OR7E24: variants seen among roughly 807,000 people sequenced by gnomAD.
OR7E24 encodes the protein olfactory receptor family 7 subfamily E member 24.
For synonymous variants in OR7E24, 130 were observed against 157.5 expected, an observed-to-expected ratio of 0.83 and a Z score of 1.31; for missense variants, 385 against 410.3, an observed-to-expected ratio of 0.94 and a Z score of 0.53.
upstream of OR7E24, among the ~76,000 whole-genome samples, chr19:9,246,466 T>TTTTGTG (rs1555720677): frequency 2.3e-5 from 3 of 130,986 alleles, no homozygotes; most frequent in African/African-American, 9.1e-5. Flanking sequence ...CTTAAAGGTA[T>TTTTGTG]TGTGTGTGTG....
At chr19:9,222,100 G>A in the OR7E24 span, among the ~76,000 whole-genome samples, 1 of 152,094 alleles carries the variant, frequency 6.6e-6, no homozygotes, top group African/African-American at 2.4e-5. Context: ...TGAGTCTTTG[G>A]CACCTTTGTT....
At chr19:9,221,070 C>G in the OR7E24 span, among the ~76,000 whole-genome samples, 9 of 151,806 alleles carry the variant, frequency 5.9e-5, no homozygotes, top group African/African-American at 2.2e-4. Context: ...GTCAGGCGAT[C>G]GAGACCATCC....
At chr19:9,217,325 C>T in the OR7E24 span, among the ~76,000 whole-genome samples, 25 of 151,946 alleles carry the variant, frequency 1.6e-4, no homozygotes, top group African/African-American at 5.8e-4. Context: ...TCAAATCATC[C>T]TAAAAAACTA....
At chr19:9,233,486 G>A in the OR7E24 span, among the ~76,000 whole-genome samples, 2 of 152,136 alleles carry the variant, frequency 1.3e-5, no homozygotes, top group Non-Finnish European at 2.9e-5. Flanking sequence ...TATTTTAATG[G>A]CTGTGTGCTT....
At chr19:9,241,816 T>C in the OR7E24 span, among the ~76,000 whole-genome samples, 10 of 152,260 alleles carry the variant, frequency 6.6e-5, no homozygotes, top group Middle Eastern at 3.4e-3. Flanking sequence ...ATCCTGGCTC[T>C]TTTTCTCCTG....
upstream of OR7E24, among the ~76,000 whole-genome samples, chr19:9,246,060 C>CTTTTT (rs58590446): frequency 7.7e-5 from 3 of 38,942 alleles, no homozygotes; most frequent in Non-Finnish European, 1.3e-4. Context: ...TATCAATGTG[C>CTTTTT]TTTTTTTTTT....
chr19:9,206,656 A>G, the OR7E24 span: 2 of 152,226 alleles, frequency 1.3e-5, no homozygotes, highest in South Asian at 4.1e-4. Context: ...TATATTGTTG[A>G]TAAGGAAAAA....
At chr19:9,218,484 A>G in the OR7E24 span, among the ~76,000 whole-genome samples, 1 of 152,220 alleles carries the variant, frequency 6.6e-6, no homozygotes, top group Non-Finnish European at 1.5e-5. Context: ...ACCAAGGACA[A>G]TTGCTTAACC....
the OR7E24 span, among the ~76,000 whole-genome samples, chr19:9,226,642 C>G: frequency 6.9e-4 from 105 of 152,178 alleles, no homozygotes; most frequent in Non-Finnish European, 1.2e-3. Context: ...TTCTTTATTA[C>G]GGCTAGCAGA....
the OR7E24 span, chr19:9,207,874 CT>C: frequency 1.3e-5 from 2 of 152,170 alleles, no homozygotes; most frequent in Middle Eastern, 3.4e-3. Context: ...TAGTATACCC[CT>C]ATGCCTGCCT....
upstream of OR7E24, among the ~76,000 whole-genome samples, chr19:9,246,060 CTTTTTTT>C (rs58590446): frequency 2.6e-5 from 1 of 38,940 alleles, no homozygotes; most frequent in African/African-American, 1.1e-4. Context: ...TATCAATGTG[CTTTTTTT>C]TTTTTTTTTT....
At chr19:9,222,701 C>T in the OR7E24 span, among the ~76,000 whole-genome samples, 1 of 152,076 alleles carries the variant, frequency 6.6e-6, no homozygotes, top group Non-Finnish European at 1.5e-5. Flanking sequence ...CAGTTTTTGG[C>T]AGTCTTCAGA....
upstream of OR7E24, among the ~76,000 whole-genome samples, chr19:9,243,674 C>T (rs2066122022): frequency 6.6e-6 from 1 of 152,196 alleles, no homozygotes; most frequent in Non-Finnish European, 1.5e-5. Context: ...GCCTTTGACA[C>T]AGTTTCCAAT....
At chr19:9,215,979 A>G in the OR7E24 span, among the ~76,000 whole-genome samples, 1 of 152,122 alleles carries the variant, frequency 6.6e-6, no homozygotes, top group Non-Finnish European at 1.5e-5. Context: ...ATCACGGTGG[A>G]AGGCAAGGAG....
At chr19:9,235,597 A>G in the OR7E24 span, 6 of 1,565,264 alleles carry the variant, frequency 3.8e-6, no homozygotes, top group Admixed American at 5.0e-5. Context: ...TTGGTTCATC[A>G]TTTTCTGGTT....
the OR7E24 span, among the ~76,000 whole-genome samples, chr19:9,226,735 A>G: frequency 1.3e-5 from 2 of 152,164 alleles, no homozygotes; most frequent in African/African-American, 4.8e-5. Flanking sequence ...GACAAGGAGG[A>G]AAGTCTTTGA....
chr19:9,221,340 CTTTTTTTTTTTT>C, the OR7E24 span, among the ~76,000 whole-genome samples: 1 of 81,180 alleles, frequency 1.2e-5, no homozygotes, highest in Admixed American at 1.3e-4. Flanking sequence ...GTCTTTTGCC[CTTTTTTTTTTTT>C]TTTTTTTTTT....
the OR7E24 span, among the ~76,000 whole-genome samples, chr19:9,227,431 C>T: frequency 1.2e-3 from 188 of 151,980 alleles, no homozygotes; most frequent in African/African-American, 4.3e-3. Context: ...GGTTTCGCCA[C>T]GTTGGCCAGG....
Position 9,251,488 on chromosome 19 carries a change from C to T in OR7E24, c.445C>T (p.His149Tyr). 6.2e-7 allele frequency: 1 copy of T among 1,614,138 alleles called. No individual in the cohort carries two copies. Among genetic ancestry groups the T allele is most frequent in the Non-Finnish European group, 8.5e-7 (1 of 1,180,002 alleles). ...DRFVAICHPL[H>Y]YRIIMNPRLC... Reference sequence around the variant, plus strand: ...GTTTGTGGCCATCTGTCACCCCCTGCACTACCGAATCATCATGAACCCACG... The same window carrying T: ...GTTTGTGGCCATCTGTCACCCCCTGTACTACCGAATCATCATGAACCCACG... The change falls in exon 1 of 1, where the codon CAC becomes TAC. Residue 149 changes from histidine to tyrosine, a missense_variant. Physicochemically the swap from His to Tyr is moderately conservative, Grantham distance 83 (BLOSUM62 2). Transcript: ENST00000456448.
Sources: gnomAD v4.1 joint callset for allele counts (sites outside exome capture counted in the v4.1 genomes callset) on GRCh38, gnomAD v4.1.1 for gene constraint, MANE v1.5 for transcripts, NCBI Gene and HGNC (gene_info 2026-07-23, HGNC 2026-07-21) for gene names.